Variants in WDR46 observed in about 807,000 individuals in gnomAD.
WDR46 encodes the protein WD repeat domain 46.
WDR46 carries 58 observed loss-of-function variants against 74.7 expected under a neutral mutation model. That is an observed-to-expected ratio of 0.78 (90% CI 0.63 to 0.97). The LOEUF (loss-of-function observed/expected upper bound fraction) is 0.97. WDR46 is among the 50% of genes least tolerant of loss of function. The pLI is 0.00. For synonymous variants in WDR46, 278 were observed against 297.3 expected, an observed-to-expected ratio of 0.93 and a Z score of 0.67; for missense variants, 702 against 790.1, an observed-to-expected ratio of 0.89 and a Z score of 1.34.
intron 10 of WDR46, chr6:33,284,937 A>G (rs1766486525): frequency 6.5e-6 from 1 of 153,810 alleles, no homozygotes; most frequent in Non-Finnish European, 1.5e-5. Flanking sequence ...TGCTTTGTAC[A>G]CTACAAGTCA....
At position 33,287,497 on chromosome 6, in the gene WDR46, T is replaced by C. The variant is rs868326590; in HGVS notation, c.737A>G (p.His246Arg). 23 of 1,613,204 alleles carry C rather than the reference T, an allele frequency of 1.4e-5. No homozygotes were observed. The African/African-American group carries it at 2.1e-4, about 15-fold the overall frequency. Residue 246 changes from histidine (H) to arginine (R), a missense_variant, in exon 8 of 15, where the codon CAT becomes CGT. By Grantham distance (29) the His-to-Arg change is conservative. Coordinates refer to ENST00000374617, the MANE Select transcript of WDR46 (RefSeq NM_005452.6). ...MEAVRDIRFL[H>R]SEALLAVAQN... ...AGCAACAGCAAGCAGTGCCTCAGAATGGAGAAACCTGGGGGAGAGGAAGAG... is the reference window on the plus strand; with the variant it reads ...AGCAACAGCAAGCAGTGCCTCAGAACGGAGAAACCTGGGGGAGAGGAAGAG...
Position 33,287,203 on chromosome 6 carries a change from G to T in WDR46, c.903C>A (p.Tyr301Ter). 6.2e-7 allele frequency: 1 copy of T among 1,613,828 alleles called. No individual in the cohort carries two copies. The highest frequency in any genetic ancestry group is 8.5e-7 in the Non-Finnish European group (1 of 1,179,974). The stretch of plus-strand genomic sequence containing the variant: ...CAATCTTCCCCACTGACACATCCAG[G>T]TAGGTTAGAAACCCTGTTTCTGACT... ...ATASETGFLT[Y>*]LDVSVGKIVA... The change falls in exon 9 of 15, where the codon TAC becomes TAA. Residue 301 changes from tyrosine to a stop codon, truncating the protein, a stop_gained. Coordinates refer to ENST00000374617, the MANE Select transcript of WDR46 (RefSeq NM_005452.6). LOFTEE classifies it high-confidence loss of function.
intron 10 of WDR46, among the ~76,000 whole-genome samples, chr6:33,282,988 A>C (rs903280831): frequency 1.3e-5 from 2 of 152,176 alleles, no homozygotes; most frequent in African/African-American, 4.8e-5. Flanking sequence ...AGGCGGGTGG[A>C]TCACAAGGTC....
chr6:33,288,252 G>A lies in WDR46; in HGVS notation c.474-17C>T. ...TCCAGAAACCTGAAAGCAAGGGTTA[G>A]GATGGCAGTAAAGCTTCCCAATATG... On this transcript the variant is annotated splice_polypyrimidine_tract_variant and intron_variant, in intron 4 of 14. Coordinates refer to ENST00000374617, the MANE Select transcript of WDR46 (RefSeq NM_005452.6). 1 of 1,614,162 alleles carries A rather than the reference G, an allele frequency of 6.2e-7. No individual in the cohort carries two copies. The highest frequency in any genetic ancestry group is 1.6e-4 in the Middle Eastern group (1 of 6,062).
chr6:33,279,802 A>T lies in WDR46; in HGVS notation c.1582T>A (p.Ser528Thr), dbSNP rs1231958950. 8 of 1,614,076 alleles carry T rather than the reference A, an allele frequency of 5.0e-6. No homozygotes were observed. Among genetic ancestry groups the T allele is most frequent in the African/African-American group, 4.0e-5 (3 of 75,024 alleles). Residue 528 changes from serine to threonine, a missense_variant, in exon 13 of 15, where the codon TCC (serine) becomes ACC (threonine). By Grantham distance (58) the Ser-to-Thr change is moderately conservative. Transcript: ENST00000374617. ...TGCTCCTTCTTTCCCTGCTCCAGGG[A>T]GATGACATCCACCTCGGCCAGGGCT... ...PRALAEVDVI[S>T]LEQGKKEQIE...
At chr6:33,285,988 A>C (rs1276606157) in intron 10 of WDR46, among the ~76,000 whole-genome samples, 1 of 151,052 alleles carries the variant, frequency 6.6e-6, no homozygotes, top group African/African-American at 2.4e-5. Context: ...AAAAAAATAC[A>C]AAATTAGCTG....
At position 33,288,163 on chromosome 6, in the gene WDR46, A is replaced by T. The variant is rs766933049; in HGVS notation, c.546T>A (p.Ile182=). Residue 182 remains isoleucine, a synonymous_variant, in exon 5 of 15, where the codon ATT becomes ATA. Coordinates refer to ENST00000374617, the MANE Select transcript of WDR46 (RefSeq NM_005452.6). The part of the protein sequence containing the change: ...CQADIVEAVD[I]ASAAKHFDLN... Reference sequence around the variant, plus strand: ...TCAGGCTCACCTTGGCTGCACTTGCAATGTCCACAGCCTCCACAATGTCAG... The same window carrying T: ...TCAGGCTCACCTTGGCTGCACTTGCTATGTCCACAGCCTCCACAATGTCAG... 8.7e-6 allele frequency: 14 copies of T among 1,614,204 alleles called. No individual in the cohort carries two copies. The highest frequency in any genetic ancestry group is 1.1e-5 in the Non-Finnish European group (13 of 1,180,036).
At chr6:33,288,542 T>A in intron 3 of WDR46, 72 bp from the exon 4 acceptor site, 1 of 1,607,570 alleles carries the variant, frequency 6.2e-7, no homozygotes, top group Non-Finnish European at 8.5e-7. Flanking sequence ...GAGCTACCTG[T>A]CCCAGCCTCC....
At chr6:33,287,826 G>A (rs1766811385) in intron 6 of WDR46, 108 bp from the exon 7 acceptor site, 3 of 1,504,680 alleles carry the variant, frequency 2.0e-6, no homozygotes, top group Non-Finnish European at 2.8e-6. Flanking sequence ...GCAGACACAT[G>A]TTGCTGTAGG....
At chr6:33,284,064 A>G (rs1766411859) in intron 10 of WDR46, among the ~76,000 whole-genome samples, 1 of 152,096 alleles carries the variant, frequency 6.6e-6, no homozygotes, top group Admixed American at 6.6e-5. Flanking sequence ...CCTGGCCAAG[A>G]TGGTGAAACC....
At chr6:33,286,744 A>G (rs1409221306) in intron 10 of WDR46, 51 bp downstream of exon 10, 1 of 1,568,282 alleles carries the variant, frequency 6.4e-7, no homozygotes, top group Admixed American at 1.7e-5. Context: ...TGCCTTCCAC[A>G]CCTTTCTGCC....
At position 33,279,211 on chromosome 6, in the gene WDR46, G is replaced by A; in HGVS notation, c.*65C>T. On this transcript the variant is annotated 3_prime_UTR_variant, in exon 15 of 15. Transcript: ENST00000374617. ...ACTGCCCCCACCTCCTTGTTCCAGG[G>A]AACACTCATTTCCCTACAGGTGATC... 6.3e-7 allele frequency: 1 copy of A among 1,597,280 alleles called. No homozygotes were observed.
chr6:33,279,874 G>A lies in WDR46; in HGVS notation c.1525-15C>T, dbSNP rs929208235. On this transcript the variant is annotated splice_polypyrimidine_tract_variant and intron_variant, in intron 12 of 14. Transcript: ENST00000374617. Reference sequence around the variant, plus strand: ...TCTGCAGGTACCTGGGGGTGTCACAGAGGGACAGGACTCAGCAAGGAGCCA... The same window carrying A: ...TCTGCAGGTACCTGGGGGTGTCACAAAGGGACAGGACTCAGCAAGGAGCCA... 2 of 1,613,520 alleles carry A rather than the reference G, an allele frequency of 1.2e-6. No individual in the cohort carries two copies. Among genetic ancestry groups the A allele is most frequent in the Admixed American group, 3.3e-5 (2 of 59,948 alleles).
At chr6:33,279,462 T>C in intron 14 of WDR46, 35 bp downstream of exon 14, 1 of 1,610,826 alleles carries the variant, frequency 6.2e-7, no homozygotes, top group Non-Finnish European at 8.5e-7. Context: ...GGGTGCAGCC[T>C]GTGGAAGGCC....
Position 33,279,760 on chromosome 6 carries a change from A to G in WDR46, c.1620+4T>C, listed in dbSNP as rs766439702. 9 of 1,613,928 alleles carry G rather than the reference A, an allele frequency of 5.6e-6. No homozygotes were observed. The highest frequency in any genetic ancestry group is 1.6e-4 in the Middle Eastern group (1 of 6,080). On this transcript the variant is annotated splice_donor_region_variant and intron_variant, in intron 13 of 14. Coordinates refer to ENST00000374617, the MANE Select transcript of WDR46 (RefSeq NM_005452.6). ...GCCTGGGCATTCAGGGGCCTGCTCC[A>G]TACCAGCCTCTCTATCTGCTCCTTC... is the stretch of plus-strand genomic sequence containing the variant.
At chr6:33,284,716 G>T (rs1228270598) in intron 10 of WDR46, 2 of 153,700 alleles carry the variant, frequency 1.3e-5, no homozygotes, top group African/African-American at 4.8e-5. Context: ...CACAAGCCAA[G>T]AATGGTTTTT....
At position 33,287,971 on chromosome 6, in the gene WDR46, G is replaced by T. The variant is rs767387484; in HGVS notation, c.617C>A (p.Thr206Asn). Residue 206 changes from threonine to asparagine, a missense_variant, in exon 6 of 15, where the codon ACT becomes AAT. By Grantham distance (65) the Thr-to-Asn change is moderately conservative (BLOSUM62 0). Coordinates refer to ENST00000374617, the MANE Select transcript of WDR46 (RefSeq NM_005452.6). Reference sequence around the variant, plus strand: ...CACTAGAATTCAACCTTACCTTCCAGTTCGAGAGTAGTTTAGTCTGTAGGG... The same window carrying T: ...CACTAGAATTCAACCTTACCTTCCATTTCGAGAGTAGTTTAGTCTGTAGGG... ...FGPYRLNYSR[T>N]GRHLAFGGRR... 1.2e-6 allele frequency: 2 copies of T among 1,614,154 alleles called. No homozygotes were observed. Among genetic ancestry groups the T allele is most frequent in the Admixed American group, 1.7e-5 (1 of 60,024 alleles).
intron 11 of WDR46, 66 bp from the exon 12 acceptor site, chr6:33,280,588 A>G (rs1384323746): frequency 1.2e-6 from 2 of 1,602,922 alleles, no homozygotes; most frequent in South Asian, 1.1e-5. Context: ...CTCCAGCCCA[A>G]CTAAGCCCCC....
rs1250178840 is a variant in WDR46 at position 33,289,002 on chromosome 6, T to A, written c.81A>T (p.Arg27=). The A allele has an allele frequency of 6.2e-7, 1 of 1,613,906 alleles. No homozygotes were observed. Among genetic ancestry groups the A allele is most frequent in the Non-Finnish European group, 8.5e-7 (1 of 1,180,010 alleles). ...TCGGAACGGTCTCTTCCTCCCAGTA[T>A]CGCCGCGGTTTCTACAGGCACATCA... ...KLQTKRKKPR[R]YWEEETVPTT... is the part of the protein sequence containing the mutation. Residue 27 remains arginine (R), a synonymous_variant, in exon 2 of 15, where the codon CGA becomes CGT. Transcript: ENST00000374617.
Sources: gnomAD v4.1 joint callset for allele counts (sites outside exome capture counted in the v4.1 genomes callset) on GRCh38, gnomAD v4.1.1 for gene constraint, MANE v1.5 for transcripts, NCBI Gene and HGNC (gene_info 2026-07-23, HGNC 2026-07-21) for gene names.